The following RCAN1 variants were observed in gnomAD, a reference collection of about 807,000 sequenced individuals.
RCAN1 encodes the protein calcipressin-1.
A neutral mutation model predicts 22.9 loss-of-function variants in RCAN1; 11 were observed. The ratio of observed to expected loss-of-function variants is 0.48; its 90% CI spans 0.30 to 0.79. The LOEUF (loss-of-function observed/expected upper bound fraction) is 0.79, where lower values mean the gene tolerates loss of function less well. RCAN1 is among the 30% of genes least tolerant of loss of function. The probability of loss-of-function intolerance (pLI) is 0.06; values close to 1 mark genes in which losing one functional copy is unlikely to be tolerated. For synonymous variants in RCAN1, 136 were observed against 142.3 expected, an observed-to-expected ratio of 0.96 and a Z score of 0.32; for missense variants, 291 against 337.8, an observed-to-expected ratio of 0.86 and a Z score of 1.09.
chr21:34,605,307 T>C (rs1177711969), intron 1 of RCAN1, among the ~76,000 whole-genome samples: 3 of 152,230 alleles, frequency 2.0e-5, no homozygotes, highest in Non-Finnish European at 4.4e-5. Context: ...TCTTCAGCTT[T>C]GGGACTCAGA....
At chr21:34,607,572 G>A (rs970150662) in intron 1 of RCAN1, among the ~76,000 whole-genome samples, 11 of 152,148 alleles carry the variant, frequency 7.2e-5, no homozygotes, top group African/African-American at 2.7e-4. Flanking sequence ...GTATTTTCTA[G>A]TAGAGATGGG....
At chr21:34,562,731 T>C (rs1394539391) in intron 1 of RCAN1, among the ~76,000 whole-genome samples, 3 of 152,334 alleles carry the variant, frequency 2.0e-5, no homozygotes, top group Admixed American at 6.5e-5. Context: ...CCATGTACTT[T>C]AGTTTTCTCA....
At chr21:34,522,449 C>T (rs1167382102) in intron 2 of RCAN1, 1 of 152,090 alleles carries the variant, frequency 6.6e-6, no homozygotes, top group Non-Finnish European at 1.5e-5. Context: ...AAAATCTTAT[C>T]CCGTGCAGAA....
intron 1 of RCAN1, chr21:34,525,248 T>C: frequency 6.4e-7 from 1 of 1,550,650 alleles, no homozygotes; most frequent in Non-Finnish European, 8.7e-7. Context: ...GGGTAGTCGG[T>C]CCCTGCCAGG....
intron 1 of RCAN1, among the ~76,000 whole-genome samples, chr21:34,573,041 G>A (rs1987287233): frequency 6.6e-6 from 1 of 152,118 alleles, no homozygotes; most frequent in Non-Finnish European, 1.5e-5. Context: ...CATATCCTTG[G>A]CTTATCTGGA....
At chr21:34,529,079 G>A (rs534707209) in intron 1 of RCAN1, among the ~76,000 whole-genome samples, 7 of 152,124 alleles carry the variant, frequency 4.6e-5, no homozygotes, top group South Asian at 2.1e-4. Context: ...TGAATTGATC[G>A]GTTCTATCTA....
chr21:34,517,753 C>T lies in RCAN1; in HGVS notation c.*331G>A. The T allele has an allele frequency of 3.8e-6, 1 of 261,138 alleles. No individual in the cohort carries two copies. Among genetic ancestry groups the T allele is most frequent in the Non-Finnish European group, 7.3e-6 (1 of 136,872 alleles). The allele number at this position is 261,138 out of a possible 1,614,324, so 16.2% of individuals were successfully genotyped here. ...GCTCTCTCCTGAGCTCACTGATCAACCTGCCCTTGGCACAGACAGAACCTA... is the reference window on the plus strand; with the variant it reads ...GCTCTCTCCTGAGCTCACTGATCAATCTGCCCTTGGCACAGACAGAACCTA... On this transcript the variant is annotated 3_prime_UTR_variant, in exon 4 of 4. Transcript: ENST00000313806.
chr21:34,601,068 T>G (rs1988322596), intron 1 of RCAN1, among the ~76,000 whole-genome samples: 1 of 152,220 alleles, frequency 6.6e-6, no homozygotes, highest in African/African-American at 2.4e-5. Flanking sequence ...AAAATAAAGC[T>G]TATTATTTAA....
At chr21:34,592,005 C>T (rs1467391528) in intron 1 of RCAN1, among the ~76,000 whole-genome samples, 2 of 152,208 alleles carry the variant, frequency 1.3e-5, no homozygotes, top group African/African-American at 2.4e-5. Flanking sequence ...CTTAAGAAAG[C>T]TGGGGGGAAA....
At chr21:34,558,977 T>C (rs1055659855) in intron 1 of RCAN1, among the ~76,000 whole-genome samples, 2 of 152,236 alleles carry the variant, frequency 1.3e-5, no homozygotes, top group African/African-American at 4.8e-5. Flanking sequence ...AGCACTCAAG[T>C]GTATTAATAT....
chr21:34,576,486 A>G (rs936330147), intron 1 of RCAN1, among the ~76,000 whole-genome samples: 4 of 152,240 alleles, frequency 2.6e-5, no homozygotes, highest in African/African-American at 9.6e-5. Context: ...GACACGTTCC[A>G]GGCTTGATGG....
At chr21:34,530,616 G>GTTTTTTTTTTTTTTTTTTTTTTTTTTT (rs59150851) in intron 1 of RCAN1, among the ~76,000 whole-genome samples, 1 of 66,226 alleles carries the variant, frequency 1.5e-5, no homozygotes, top group Non-Finnish European at 2.9e-5. Context: ...TAGTGAAATA[G>GTTTTTTTTTTTTTTTTTTTTTTTTTTT]TTTTTTTTTT....
intron 1 of RCAN1, among the ~76,000 whole-genome samples, chr21:34,578,990 C>T (rs1008680450): frequency 6.6e-6 from 1 of 152,074 alleles, no homozygotes; most frequent in African/African-American, 2.4e-5. Flanking sequence ...AACAGACAAA[C>T]AAAAACAAGC....
At chr21:34,558,521 G>A (rs1488695951) in intron 1 of RCAN1, among the ~76,000 whole-genome samples, 1 of 152,222 alleles carries the variant, frequency 6.6e-6, no homozygotes, top group Admixed American at 6.5e-5. Flanking sequence ...GGCAGGGTTG[G>A]ACTGTCCATT....
rs1568875409 is a variant in RCAN1 at position 34,518,912 on chromosome 21, G to A, written c.587-656C>T. On this transcript the variant is annotated intron_variant, in intron 3 of 3. Transcript: ENST00000313806. This position sits in a 1 kb window ranked among gnomAD's most constrained non-coding sequence, Gnocchi z 4.2. ...CACTCTGGTCCAGCAAGGGTGGGGAGAGCTTTCTGCAACTGAAAAACCCGG... is the reference window on the plus strand; with the variant it reads ...CACTCTGGTCCAGCAAGGGTGGGGAAAGCTTTCTGCAACTGAAAAACCCGG... 2.0e-5 allele frequency among the ~76,000 whole-genome samples: 3 copies of A among 152,230 alleles called. No homozygotes were observed. The highest frequency in any genetic ancestry group is 6.5e-5 in the Admixed American group (1 of 15,290).
intron 1 of RCAN1, among the ~76,000 whole-genome samples, chr21:34,527,393 T>C (rs1985131926): frequency 6.6e-6 from 1 of 152,186 alleles, no homozygotes; most frequent in South Asian, 2.1e-4. Context: ...ATAAAAATTT[T>C]AAAGGACAAA....
chr21:34,604,576 G>C (rs149460337), intron 1 of RCAN1, among the ~76,000 whole-genome samples: 2 of 152,230 alleles, frequency 1.3e-5, no homozygotes, highest in African/African-American at 2.4e-5. Flanking sequence ...AACAGGGTAC[G>C]GGTGTAAGCC....
intron 1 of RCAN1, among the ~76,000 whole-genome samples, chr21:34,608,835 C>T (rs572168789): frequency 1.7e-4 from 26 of 152,194 alleles, no homozygotes; most frequent in African/African-American, 6.0e-4. Flanking sequence ...CATTTACAGG[C>T]AGGGAAACCA....
intron 1 of RCAN1, among the ~76,000 whole-genome samples, chr21:34,554,953 C>T (rs922603749): frequency 6.6e-6 from 1 of 152,158 alleles, no homozygotes; most frequent in Non-Finnish European, 1.5e-5. Context: ...AAAGACCTGC[C>T]CCCATGATTC....
Sources: gnomAD v4.1 joint callset for allele counts (sites outside exome capture counted in the v4.1 genomes callset) on GRCh38, gnomAD v4.1.1 for gene constraint, Gnocchi (gnomAD v3.1) non-coding constraint, MANE v1.5 for transcripts, NCBI Gene and HGNC (gene_info 2026-07-23, HGNC 2026-07-21) for gene names.